Variants in CNTNAP2 observed in about 807,000 individuals in gnomAD.
CNTNAP2 encodes the protein contactin-associated protein-like 2.
A neutral mutation model predicts 155.2 loss-of-function variants in CNTNAP2; 98 were observed. That is an observed-to-expected ratio of 0.63 (90% confidence interval 0.54 to 0.75). CNTNAP2 has a LOEUF of 0.75. Ranked by LOEUF, CNTNAP2 falls within the 30% of genes least tolerant of loss-of-function variation. The pLI is 0.00. For synonymous variants in CNTNAP2, 651 were observed against 631.2 expected, an observed-to-expected ratio of 1.03 and a Z score of -0.47; for missense variants, 1,727 against 1,688.1, an observed-to-expected ratio of 1.02 and a Z score of -0.40.
intron 11 of CNTNAP2, among the ~76,000 whole-genome samples, chr7:147,536,885 C>T (rs528916560): frequency 6.6e-6 from 1 of 152,216 alleles, no homozygotes; most frequent in African/African-American, 2.4e-5. Flanking sequence ...GGCCGTAAAG[C>T]CTCCCCTCTC....
intron 3 of CNTNAP2, among the ~76,000 whole-genome samples, chr7:147,042,757 T>A (rs1799284112): frequency 6.6e-6 from 1 of 152,126 alleles, no homozygotes; most frequent in East Asian, 1.9e-4. Flanking sequence ...TTTTTAAAAT[T>A]TCTATTTGTA....
intron 4 of CNTNAP2, among the ~76,000 whole-genome samples, chr7:147,075,552 C>A (rs1799979860): frequency 6.6e-6 from 1 of 151,988 alleles, no homozygotes; most frequent in Non-Finnish European, 1.5e-5. Flanking sequence ...TCCAGACTAA[C>A]AATAATAATA....
At position 146,424,408 on chromosome 7, in the gene CNTNAP2, C is replaced by T. The variant is rs193064846; in HGVS notation, c.97+307435C>T. Among the ~76,000 whole-genome samples the T allele has an allele frequency of 2.9e-4, 44 of 152,216 alleles. 1 individual carries two copies. In the South Asian group the frequency reaches 6.0e-3, roughly 21 times the overall value. ...AGAAGCTTCTTCTACTGGAGTCAGA[C>T]GGGACACACTTAATTCCTCCAGCAA... On this transcript the variant is annotated intron_variant, in intron 1 of 23. Coordinates refer to ENST00000361727, the MANE Select transcript of CNTNAP2 (RefSeq NM_014141.6).
rs555293216 is a variant in CNTNAP2, at chr7:147,823,025, C to T, written c.2099-80540C>T. On this transcript the variant is annotated intron_variant, in intron 13 of 23. Coordinates refer to ENST00000361727, the MANE Select transcript of CNTNAP2 (RefSeq NM_014141.6). The stretch of plus-strand genomic sequence containing the variant: ...AGCTGATTCTGGATAATAAAGCTTG[C>T]TTCGCAATAATCCAGAGTTTTCCAA... Among the ~76,000 whole-genome samples the T allele has an allele frequency of 5.9e-5, 9 of 152,334 alleles. No individual in the cohort carries two copies. The South Asian group carries it at 1.7e-3, about 28-fold the overall frequency.
chr7:147,138,328 G>C (rs115544688), intron 8 of CNTNAP2, among the ~76,000 whole-genome samples: 3 of 151,936 alleles, frequency 2.0e-5, no homozygotes, highest in African/African-American at 7.2e-5. Context: ...ATAAAGATCT[G>C]AGTACTAGAT....
intron 11 of CNTNAP2, among the ~76,000 whole-genome samples, chr7:147,522,535 TA>T (rs202069675): frequency 5.9e-5 from 9 of 151,342 alleles, no homozygotes; most frequent in East Asian, 1.9e-4. Flanking sequence ...GCCTATAAAT[TA>T]AAAAAAAATT....
intron 1 of CNTNAP2, among the ~76,000 whole-genome samples, chr7:146,387,387 T>C (rs1033223904): frequency 6.6e-6 from 1 of 152,128 alleles, no homozygotes; most frequent in Non-Finnish European, 1.5e-5. Context: ...AACAGCCTAC[T>C]CCCCTTCAGC....
intron 2 of CNTNAP2, among the ~76,000 whole-genome samples, chr7:146,827,582 G>A (rs1158469319): frequency 6.6e-6 from 1 of 151,488 alleles, no homozygotes; most frequent in Admixed American, 6.6e-5. Context: ...TGGGCACTTA[G>A]CTAGGGAAGC....
intron 14 of CNTNAP2, among the ~76,000 whole-genome samples, chr7:147,929,092 CAAAAAAAAAAAAA>C (rs66584239): frequency 1.4e-4 from 5 of 34,624 alleles, no homozygotes; most frequent in South Asian, 3.0e-3. Context: ...AACTCCATCC[CAAAAAAAAAAAAA>C]AAAAAAAAAA....
intron 18 of CNTNAP2, among the ~76,000 whole-genome samples, chr7:148,192,258 C>A (rs1341360719): frequency 2.3e-4 from 35 of 152,106 alleles, no homozygotes; most frequent in Non-Finnish European, 1.0e-4. Flanking sequence ...CGTCATCCAC[C>A]CCTACACCCT....
At chr7:146,905,642 A>G (rs1334261056) in intron 3 of CNTNAP2, among the ~76,000 whole-genome samples, 1 of 152,196 alleles carries the variant, frequency 6.6e-6, no homozygotes, top group African/African-American at 2.4e-5. Context: ...CAGTCAAACA[A>G]CTTTTCTTTG....
intron 14 of CNTNAP2, among the ~76,000 whole-genome samples, chr7:147,966,948 C>T (rs1390758980): frequency 6.6e-6 from 1 of 151,824 alleles, no homozygotes; most frequent in Non-Finnish European, 1.5e-5. Context: ...ATAAATAACG[C>T]TTCAGAAACA....
intron 8 of CNTNAP2, among the ~76,000 whole-genome samples, chr7:147,270,817 G>T (rs1183990791): frequency 1.3e-5 from 2 of 152,100 alleles, no homozygotes; most frequent in Non-Finnish European, 2.9e-5. Flanking sequence ...ATCTTTTCCT[G>T]CTAGCATAGC....
At chr7:146,772,314 A>G (rs779225664) in intron 1 of CNTNAP2, among the ~76,000 whole-genome samples, 1 of 152,016 alleles carries the variant, frequency 6.6e-6, no homozygotes, top group African/African-American at 2.4e-5. Flanking sequence ...AAGAGAGGAT[A>G]CTTGGAGTAG....
chr7:146,900,876 A>T (rs1203977504), intron 3 of CNTNAP2, among the ~76,000 whole-genome samples: 1 of 152,178 alleles, frequency 6.6e-6, no homozygotes, highest in African/African-American at 2.4e-5. Flanking sequence ...ACTGCTTAGC[A>T]TAATTCCTGT....
chr7:147,796,937 G>A (rs17226275), intron 13 of CNTNAP2, among the ~76,000 whole-genome samples: 22,371 of 152,110 alleles, frequency 0.15, 1,738 homozygotes, highest in Middle Eastern at 0.23. Context: ...CAAAGAGTGG[G>A]TCTTAGACAG....
At chr7:147,542,340 G>A (rs1015782036) in intron 11 of CNTNAP2, among the ~76,000 whole-genome samples, 2 of 151,492 alleles carry the variant, frequency 1.3e-5, no homozygotes, top group African/African-American at 4.8e-5. Flanking sequence ...AAATAAGAAA[G>A]TAAGAGTTTG....
At chr7:147,158,341 C>T (rs1801964079) in intron 8 of CNTNAP2, among the ~76,000 whole-genome samples, 1 of 151,952 alleles carries the variant, frequency 6.6e-6, no homozygotes, top group African/African-American at 2.4e-5. Flanking sequence ...TTTTATAAAG[C>T]CATTTTGAAT....
At chr7:146,966,892 A>T (rs1797668548) in intron 3 of CNTNAP2, among the ~76,000 whole-genome samples, 1 of 152,220 alleles carries the variant, frequency 6.6e-6, no homozygotes, top group African/African-American at 2.4e-5. Flanking sequence ...GATAATTTTT[A>T]AAAAGCAAAA....
Sources: allele counts gnomAD v4.1 joint callset (sites outside exome capture counted in the v4.1 genomes callset), GRCh38; gene constraint gnomAD v4.1.1; transcripts MANE v1.5; gene names NCBI Gene and HGNC (gene_info 2026-07-23, HGNC 2026-07-21).